LCA5: variants seen among roughly 807,000 people sequenced by gnomAD.
LCA5 encodes the protein lebercilin.
Under a neutral mutation model 53.0 loss-of-function variants are expected in LCA5, and 37 were observed. The observed-to-expected ratio is 0.70, with a 90% CI of 0.54 to 0.92. The LOEUF (loss-of-function observed/expected upper bound fraction) is 0.92, where lower values mean the gene tolerates loss of function less well. Ranked by LOEUF, LCA5 falls within the 40% of genes least tolerant of loss-of-function variation. LCA5 has a pLI of 0.00. For missense variants in LCA5, 806 were observed against 790.5 expected (o/e 1.02, Z -0.23); for synonymous variants, 303 against 282.9 (o/e 1.07, Z -0.71).
At chr6:79,500,990 T>A (rs1268437997) in intron 3 of LCA5, among the ~76,000 whole-genome samples, 1 of 152,174 alleles carries the variant, frequency 6.6e-6, no homozygotes, top group Admixed American at 6.5e-5. Context: ...AGAGTTATTA[T>A]TACCTCTTAG....
chr6:79,517,433 G>C (rs560843684), intron 2 of LCA5, among the ~76,000 whole-genome samples: 27 of 152,112 alleles, frequency 1.8e-4, no homozygotes, highest in Non-Finnish European at 2.9e-4. Flanking sequence ...GAGACTAACA[G>C]GCATTTTCTA....
At chr6:79,495,396 C>A (rs529527519) in intron 3 of LCA5, among the ~76,000 whole-genome samples, 1 of 152,068 alleles carries the variant, frequency 6.6e-6, no homozygotes, top group Non-Finnish European at 1.5e-5. Context: ...TTCCAGGACT[C>A]CTGTGGATAC....
intron 2 of LCA5, 71 bp downstream of exon 2, chr6:79,518,634 G>T (rs1022441287): frequency 3.0e-5 from 40 of 1,337,872 alleles, no homozygotes; most frequent in Non-Finnish European, 4.0e-5. Flanking sequence ...AGAGTATCAT[G>T]CACACACATT....
chr6:79,538,240 A>C (rs1767218851), upstream of LCA5, among the ~76,000 whole-genome samples: 1 of 151,868 alleles, frequency 6.6e-6, no homozygotes, highest in African/African-American at 2.4e-5. Flanking sequence ...TGTTCTCACT[A>C]TTGTTAATTT....
At position 79,500,748 on chromosome 6, in the gene LCA5, T is replaced by C. The variant is rs557008149; in HGVS notation, c.721-6998A>G. On this transcript the variant is annotated intron_variant, in intron 3 of 7. Transcript: ENST00000369846. ...AAACCAGTTTTCTAGTAATATTCAT[T>C]AGGTTTGTATTGCCCTCAGGAAATA... Among the ~76,000 whole-genome samples, 8 of 152,318 alleles carry C rather than the reference T, an allele frequency of 5.3e-5. No individual in the cohort carries two copies. In the South Asian group the frequency reaches 1.7e-3, roughly 32 times the overall value.
At chr6:79,507,081 A>G (rs7753415) in intron 3 of LCA5, among the ~76,000 whole-genome samples, 53,103 of 151,922 alleles carry the variant, frequency 0.35, 9,700 homozygotes, top group Middle Eastern at 0.52. Flanking sequence ...ATACTCCTCC[A>G]TTTTCTAACT....
intron 3 of LCA5, among the ~76,000 whole-genome samples, chr6:79,495,651 T>G (rs1769962682): frequency 6.7e-6 from 1 of 150,016 alleles, no homozygotes; most frequent in Non-Finnish European, 1.5e-5. Context: ...CTCGGGAGAC[T>G]GAGGCAGAAG....
rs1767169287 is a variant in LCA5, at chr6:79,537,193, C to G, written c.-220G>C. On this transcript the variant is annotated 5_prime_UTR_variant, in exon 1 of 8. Coordinates refer to ENST00000369846, the MANE Select transcript of LCA5 (RefSeq NM_001122769.3). ...CAACCCGCAGGCTCTTCAGCAGAGC[C>G]GATGCGGCGTCCCGCCTCCTTGCCT... 6.5e-6 allele frequency: 1 copy of G among 152,734 alleles called. No homozygotes were observed. The highest frequency in any genetic ancestry group is 2.4e-5 in the African/African-American group (1 of 41,482). 9.5% of individuals were successfully genotyped at this position (152,734 alleles called of 1,614,324 possible). A position where few individuals can be genotyped will look rare whatever the true frequency, so the allele number is the denominator to read the frequency against.
rs200988021 is a variant in LCA5 at position 79,491,589 on chromosome 6, A to G, written c.1097T>C (p.Leu366Ser). ...NKWEEPGHLTLDLQSQKQDRH... is the reference protein window; with the variant it reads ...NKWEEPGHLTSDLQSQKQDRH... ...ACATAACAATACTGCTAAACTCACC[A>G]AAGTAAGATGTCCTGGTTCTTCCCA... Residue 366 changes from leucine to serine, a missense_variant and splice_region_variant, in exon 6 of 8, where the codon TTG becomes TCG. By Grantham distance (145) the Leu-to-Ser change is moderately radical. Coordinates refer to ENST00000369846, the MANE Select transcript of LCA5 (RefSeq NM_001122769.3). 1.8e-4 allele frequency: 283 copies of G among 1,612,810 alleles called. 1 individual carries two copies. Among genetic ancestry groups the G allele is most frequent in the Middle Eastern group, 1.3e-3 (8 of 6,052 alleles).
intron 1 of LCA5, among the ~76,000 whole-genome samples, chr6:79,530,618 T>C (rs1766931232): frequency 6.6e-6 from 1 of 152,212 alleles, no homozygotes; most frequent in Admixed American, 6.5e-5. Flanking sequence ...AACCTATGCG[T>C]AATACTTATA....
intron 3 of LCA5, among the ~76,000 whole-genome samples, chr6:79,499,599 C>T (rs1247895334): frequency 7.7e-6 from 1 of 130,074 alleles, no homozygotes; most frequent in African/African-American, 2.7e-5. Context: ...ATTAAAGAAA[C>T]AATCAATAAG....
At chr6:79,503,157 T>C (rs1004360368) in intron 3 of LCA5, among the ~76,000 whole-genome samples, 3 of 152,180 alleles carry the variant, frequency 2.0e-5, no homozygotes, top group South Asian at 4.1e-4. Flanking sequence ...TCTGAAATTA[T>C]AGGCATGAGC....
intron 1 of LCA5, among the ~76,000 whole-genome samples, chr6:79,524,106 A>C (rs1241974341): frequency 2.0e-5 from 3 of 152,120 alleles, no homozygotes; most frequent in Non-Finnish European, 4.4e-5. Flanking sequence ...CCAGCTTCTT[A>C]ATCTACCAAT....
chr6:79,520,253 T>C (rs1192946817), intron 1 of LCA5, among the ~76,000 whole-genome samples: 1 of 152,124 alleles, frequency 6.6e-6, no homozygotes, highest in African/African-American at 2.4e-5. Flanking sequence ...ATCATGAAGC[T>C]ACTGATAATG....
At chr6:79,502,183 A>G (rs1484123885) in intron 3 of LCA5, among the ~76,000 whole-genome samples, 1 of 152,172 alleles carries the variant, frequency 6.6e-6, no homozygotes, top group Non-Finnish European at 1.5e-5. Context: ...TCCAAAGTAC[A>G]ATGAGAAAAG....
intron 2 of LCA5, among the ~76,000 whole-genome samples, chr6:79,517,103 T>A (rs944776480): frequency 6.6e-6 from 1 of 152,058 alleles, no homozygotes; most frequent in Admixed American, 6.6e-5. Flanking sequence ...CCTAGGTTAG[T>A]CTATACTGAT....
chr6:79,498,048 A>T (rs1357972556), intron 3 of LCA5, among the ~76,000 whole-genome samples: 1 of 152,072 alleles, frequency 6.6e-6, no homozygotes, highest in Non-Finnish European at 1.5e-5. Context: ...ATATAAGTGT[A>T]AATCATAGTA....
chr6:79,536,384 G>C (rs1293408941), intron 1 of LCA5, among the ~76,000 whole-genome samples: 1 of 152,162 alleles, frequency 6.6e-6, no homozygotes, highest in Non-Finnish European at 1.5e-5. Context: ...TGAAGATAAA[G>C]GAGGGGAATA....
chr6:79,513,148 G>T, intron 3 of LCA5, 64 bp downstream of exon 3: 1 of 1,439,796 alleles, frequency 6.9e-7, no homozygotes, highest in Non-Finnish European at 9.8e-7. Context: ...TTTTAAGAGA[G>T]CACATTAAAT....
Sources: allele counts gnomAD v4.1 joint callset (sites outside exome capture counted in the v4.1 genomes callset), GRCh38; gene constraint gnomAD v4.1.1; transcripts MANE v1.5; gene names NCBI Gene and HGNC (gene_info 2026-07-23, HGNC 2026-07-21).